Variants in TRAPPC9 observed in about 807,000 individuals in gnomAD.
The protein encoded by TRAPPC9 is IKK2 binding protein.
TRAPPC9 carries 83 observed loss-of-function variants against 124.0 expected under a neutral mutation model. That is an observed-to-expected ratio of 0.67 (90% CI 0.56 to 0.80). The LOEUF (loss-of-function observed/expected upper bound fraction) is 0.80, where lower values mean the gene tolerates loss of function less well. Ranked by LOEUF, TRAPPC9 falls within the 30% of genes least tolerant of loss-of-function variation. TRAPPC9 has a pLI of 0.00. For missense variants in TRAPPC9, 1,302 were observed against 1,508.3 expected (o/e 0.86, Z 2.27); for synonymous variants, 638 against 617.5 (o/e 1.03, Z -0.49).
rs975102279 is a variant in TRAPPC9 at position 140,439,094 on chromosome 8, C to T, written c.688G>A (p.Val230Met). 1.1e-5 allele frequency: 17 copies of T among 1,614,268 alleles called. No homozygotes were observed. The highest frequency in any genetic ancestry group is 1.7e-5 in the Admixed American group (1 of 60,030). ...QDSLVHYHMS[V>M]ELLRSVNDFL... ...TCATTCACAGAACGCAGCAGCTCCA[C>T]CGACATGTGGTAATGCACCAGGGAG... Residue 230 changes from valine (V) to methionine (M), a missense_variant, in exon 3 of 23, where the codon GTG becomes ATG. Transcript: ENST00000438773.
At chr8:140,394,090 T>C (rs769420779) in intron 7 of TRAPPC9, among the ~76,000 whole-genome samples, 2 of 152,230 alleles carry the variant, frequency 1.3e-5, no homozygotes, top group Non-Finnish European at 2.9e-5. Flanking sequence ...ACATTTTAAG[T>C]GAAAACATTT....
chr8:140,453,622 T>C lies in TRAPPC9; in HGVS notation c.-10-2239A>G, dbSNP rs183173870. On this transcript the variant is annotated intron_variant, in intron 1 of 22. Coordinates refer to ENST00000438773, the MANE Select transcript of TRAPPC9 (RefSeq NM_001160372.4). The stretch of plus-strand genomic sequence containing the variant: ...GAAACCCTAGCCTCCCAACATGTCT[T>C]GCTTCTGCCCAGGATCTAAACGGTT... 3.1e-3 allele frequency among the ~76,000 whole-genome samples: 439 copies of C among 139,492 alleles called. 2 individuals are homozygous for C. The highest frequency in any genetic ancestry group is 0.011 in the African/African-American group (412 of 37,728). 91.5% of individuals were successfully genotyped at this position (139,492 alleles called of 152,430 possible).
At chr8:140,200,618 C>T (rs2062765463) in intron 17 of TRAPPC9, among the ~76,000 whole-genome samples, 1 of 151,984 alleles carries the variant, frequency 6.6e-6, no homozygotes, top group Admixed American at 6.6e-5. Context: ...CAAAATGAGG[C>T]GCAATCTACA....
Position 140,087,219 on chromosome 8 carries a change from G to A in TRAPPC9, c.2557-63140C>T, listed in dbSNP as rs1434510550. 1.3e-5 allele frequency among the ~76,000 whole-genome samples: 2 copies of A among 152,094 alleles called. No individual in the cohort carries two copies. On this transcript the variant is annotated intron_variant, in intron 17 of 22. Transcript: ENST00000438773. This position sits in a 1 kb window ranked among gnomAD's most constrained non-coding sequence, Gnocchi z 4.6. The stretch of plus-strand genomic sequence containing the variant: ...TTTGAGCTGCCTGCTTTTCTTCCCA[G>A]TCCCTGGCTCTTCCTCCTCTGTCTC...
At chr8:140,424,242 C>T (rs1357819258) in intron 5 of TRAPPC9, among the ~76,000 whole-genome samples, 1 of 151,738 alleles carries the variant, frequency 6.6e-6, no homozygotes, top group Non-Finnish European at 1.5e-5. Context: ...AGAAACTCTC[C>T]TCCACATGAA....
Position 140,070,707 on chromosome 8 carries a change from C to T in TRAPPC9, c.2557-46628G>A, listed in dbSNP as rs1402875426. Among the ~76,000 whole-genome samples the T allele has an allele frequency of 2.0e-5, 3 of 152,282 alleles. No homozygotes were observed. In the South Asian group the frequency reaches 6.2e-4, roughly 32 times the overall value. On this transcript the variant is annotated intron_variant, in intron 17 of 22. Transcript: ENST00000438773. ...TGGCTCAGAAAGATCAGGCTGCTCA[C>T]CAGCATTTCACACCAGCAGGGCTGT...
intron 8 of TRAPPC9, among the ~76,000 whole-genome samples, chr8:140,368,237 A>G (rs940093223): frequency 2.0e-5 from 3 of 152,134 alleles, no homozygotes; most frequent in Non-Finnish European, 1.5e-5. Flanking sequence ...TCAAGAGCAG[A>G]GTTCAGGACC....
At chr8:139,869,607 T>C (rs1828766091) in intron 21 of TRAPPC9, among the ~76,000 whole-genome samples, 1 of 152,200 alleles carries the variant, frequency 6.6e-6, no homozygotes, top group Middle Eastern at 3.2e-3. Flanking sequence ...CATTTTCAAC[T>C]CAATACACTT....
At chr8:139,809,545 G>A (rs1436635288) in intron 21 of TRAPPC9, among the ~76,000 whole-genome samples, 2 of 152,182 alleles carry the variant, frequency 1.3e-5, no homozygotes, top group Non-Finnish European at 2.9e-5. Flanking sequence ...TTCAGTCTCT[G>A]TCCCACAGCA....
rs192425599 is a variant in TRAPPC9 at position 140,266,587 on chromosome 8, A to G, written c.2278+9071T>C. Reference sequence around the variant, plus strand: ...TAAACTCATCTCTGTGGCCGGGTGCAGTGGCTCATGCCTGTAATCCCAGCA... The same window carrying G: ...TAAACTCATCTCTGTGGCCGGGTGCGGTGGCTCATGCCTGTAATCCCAGCA... On this transcript the variant is annotated intron_variant, in intron 15 of 22. Coordinates refer to ENST00000438773, the MANE Select transcript of TRAPPC9 (RefSeq NM_001160372.4). 4.6e-3 allele frequency among the ~76,000 whole-genome samples: 693 copies of G among 151,908 alleles called. 6 individuals carry two copies. The highest frequency in any genetic ancestry group is 0.016 in the African/African-American group (644 of 41,440).
At chr8:140,069,403 T>C (rs1372662655) in intron 17 of TRAPPC9, among the ~76,000 whole-genome samples, 1 of 152,054 alleles carries the variant, frequency 6.6e-6, no homozygotes, top group Non-Finnish European at 1.5e-5. Flanking sequence ...TGGAATTTGG[T>C]GGGCATGGGT....
At chr8:139,816,629 T>G (rs1824858738) in intron 21 of TRAPPC9, among the ~76,000 whole-genome samples, 1 of 148,056 alleles carries the variant, frequency 6.8e-6, no homozygotes, top group Admixed American at 7.0e-5. Flanking sequence ...GGGACCCAAC[T>G]GCAGGTCTGG....
At chr8:139,828,409 T>C (rs1312139416) in intron 21 of TRAPPC9, among the ~76,000 whole-genome samples, 1 of 152,182 alleles carries the variant, frequency 6.6e-6, no homozygotes, top group Non-Finnish European at 1.5e-5. Context: ...CCACACTACA[T>C]GTTTCCTCAA....
At chr8:139,827,871 A>G (rs951553653) in intron 21 of TRAPPC9, among the ~76,000 whole-genome samples, 2 of 152,186 alleles carry the variant, frequency 1.3e-5, no homozygotes, top group African/African-American at 4.8e-5. Flanking sequence ...GCTTTTACTC[A>G]TGGCAGAAGG....
intron 21 of TRAPPC9, among the ~76,000 whole-genome samples, chr8:139,820,315 C>T (rs964800699): frequency 3.3e-5 from 5 of 151,864 alleles, no homozygotes; most frequent in Admixed American, 1.3e-4. Context: ...AGAGTAGCTG[C>T]GACTACAGGC....
chr8:140,288,308 C>A (rs941146309), intron 12 of TRAPPC9, among the ~76,000 whole-genome samples: 2 of 152,184 alleles, frequency 1.3e-5, no homozygotes, highest in African/African-American at 4.8e-5. Flanking sequence ...TGCACTCCAG[C>A]GTGGGGGACA....
intron 15 of TRAPPC9, among the ~76,000 whole-genome samples, chr8:140,256,723 C>T (rs2064271549): frequency 6.6e-6 from 1 of 152,160 alleles, no homozygotes. Flanking sequence ...CAGATCCCCA[C>T]CTTCCTAGCT....
At chr8:140,314,744 C>A (rs2066399890) in intron 9 of TRAPPC9, among the ~76,000 whole-genome samples, 1 of 152,226 alleles carries the variant, frequency 6.6e-6, no homozygotes, top group African/African-American at 2.4e-5. Flanking sequence ...CCTCCAGGTC[C>A]ATCTGTGTTG....
chr8:140,134,801 G>A (rs978989025), intron 17 of TRAPPC9, among the ~76,000 whole-genome samples: 2 of 152,102 alleles, frequency 1.3e-5, no homozygotes, highest in Non-Finnish European at 2.9e-5. Flanking sequence ...AGCAAATGAA[G>A]AAACAAAACA....
Sources: allele counts gnomAD v4.1 joint callset (sites outside exome capture counted in the v4.1 genomes callset), GRCh38; gene constraint gnomAD v4.1.1; non-coding constraint Gnocchi (gnomAD v3.1); transcripts MANE v1.5; gene names NCBI Gene and HGNC (gene_info 2026-07-23, HGNC 2026-07-21).